Variants in RAPGEF2 observed in about 807,000 individuals in gnomAD.
RAPGEF2 encodes PDZ domain containing guanine nucleotide exchange factor (GEF) 1.
RAPGEF2 carries 54 observed loss-of-function variants against 186.7 expected under a neutral mutation model. That is an observed-to-expected ratio of 0.29 (90% CI 0.23 to 0.36). RAPGEF2 has a LOEUF of 0.36. RAPGEF2 is among the 10% of genes least tolerant of loss of function. The pLI, the probability that RAPGEF2 is intolerant of heterozygous loss-of-function variation, is 1.00. For missense variants in RAPGEF2, 1,532 were observed against 2,045.0 expected (o/e 0.75, Z 4.84); for synonymous variants, 712 against 705.9 (o/e 1.01, Z -0.14).
chr4:159,137,044 T>TG (rs943136234), intron 1 of RAPGEF2, among the ~76,000 whole-genome samples: 9 of 151,798 alleles, frequency 5.9e-5, no homozygotes, highest in African/African-American at 1.5e-4. Flanking sequence ...ACAGAAAAGG[T>TG]GGGGGGGTTG....
intron 11 of RAPGEF2, chr4:159,326,594 C>T (rs551066961): frequency 6.6e-6 from 1 of 152,314 alleles, no homozygotes; most frequent in South Asian, 2.1e-4. Flanking sequence ...TTGTTTTGCT[C>T]TGGGTCCCTT....
intron 1 of RAPGEF2, among the ~76,000 whole-genome samples, chr4:159,180,969 T>C (rs911367237): frequency 2.6e-5 from 4 of 152,336 alleles, no homozygotes; most frequent in East Asian, 1.9e-4. Context: ...TTGTATGTTA[T>C]AATTAAGATA....
At chr4:159,202,399 C>G (rs1749530546) in intron 3 of RAPGEF2, among the ~76,000 whole-genome samples, 1 of 152,144 alleles carries the variant, frequency 6.6e-6, no homozygotes, top group Non-Finnish European at 1.5e-5. Context: ...GGGCACCATT[C>G]TTTCTGTTTC....
chr4:159,263,792 A>G (rs1345632824), intron 7 of RAPGEF2, among the ~76,000 whole-genome samples: 1 of 152,140 alleles, frequency 6.6e-6, no homozygotes, highest in African/African-American at 2.4e-5. Context: ...TCTCAATTTC[A>G]TAGTAATTAG....
At chr4:159,306,474 G>T (rs908514223) in intron 8 of RAPGEF2, among the ~76,000 whole-genome samples, 3 of 152,100 alleles carry the variant, frequency 2.0e-5, no homozygotes, top group Non-Finnish European at 4.4e-5. Context: ...TGTGCATATT[G>T]ATTTTGCATT....
In RAPGEF2 at chr4:159,158,903, C is replaced by T. The variant is rs531922253; in HGVS notation, c.70-27739C>T. Among the ~76,000 whole-genome samples, 12 of 152,244 alleles carry T rather than the reference C, an allele frequency of 7.9e-5. No individual in the cohort carries two copies. In the East Asian group the frequency reaches 1.9e-3, roughly 24 times the overall value. On this transcript the variant is annotated intron_variant, in intron 1 of 29. Coordinates refer to ENST00000691494, the MANE Select transcript of RAPGEF2 (RefSeq NM_001394067.2). Reference sequence around the variant, plus strand: ...GGTTTTTTGGAGACTGGCTAATCCCCCTTTTCTTTAAAATTGAAACAATAG... The same window carrying T: ...GGTTTTTTGGAGACTGGCTAATCCCTCTTTTCTTTAAAATTGAAACAATAG...
Position 159,330,417 on chromosome 4 carries a change from C to G in RAPGEF2, c.1386C>G (p.Thr462=). The G allele has an allele frequency of 6.2e-7, 1 of 1,606,876 alleles. No individual in the cohort carries two copies. Among genetic ancestry groups the G allele is most frequent in the Non-Finnish European group, 8.5e-7 (1 of 1,177,864 alleles). ...DPTFIEDFLL[T]YRTFLSSPME... is the part of the protein sequence containing the mutation. ...CATTCATAGAAGACTTTCTGTTGAC[C>G]TATAGGACTTTTCTTTCTAGCCCAA... The change falls in exon 13 of 30, where the codon ACC becomes ACG. Residue 462 remains threonine, a synonymous_variant. Transcript: ENST00000691494.
At chr4:159,279,375 A>T (rs1362504719) in intron 7 of RAPGEF2, among the ~76,000 whole-genome samples, 1 of 152,176 alleles carries the variant, frequency 6.6e-6, no homozygotes, top group Non-Finnish European at 1.5e-5. Flanking sequence ...AGGATGGACA[A>T]TTCCTTTTGT....
At chr4:159,175,698 G>T (rs1193473741) in intron 1 of RAPGEF2, among the ~76,000 whole-genome samples, 4 of 152,202 alleles carry the variant, frequency 2.6e-5, no homozygotes, top group African/African-American at 7.2e-5. Context: ...AGGAAGGACG[G>T]TTGGTCCAGT....
rs1162464961 is a variant in RAPGEF2 at position 159,341,835 on chromosome 4, A to G, written c.2806A>G (p.Ile936Val). 1.9e-6 allele frequency: 3 copies of G among 1,612,978 alleles called. No individual in the cohort carries two copies. Among genetic ancestry groups the G allele is most frequent in the Non-Finnish European group, 2.5e-6 (3 of 1,179,726 alleles). ...NQETFWVASE[I>V]LRETNQLKRM... ...GGAAACATTTTGGGTAGCATCTGAAATTCTCAGAGAAACAAACCAGCTGAA... is the reference window on the plus strand; with the variant it reads ...GGAAACATTTTGGGTAGCATCTGAAGTTCTCAGAGAAACAAACCAGCTGAA... The change falls in exon 20 of 30, where the codon ATT (isoleucine) becomes GTT (valine). Residue 936 changes from isoleucine to valine, a missense_variant. Around this residue, in one of 4 missense-constraint regions of RAPGEF2, gnomAD observed 810 missense variants for 1,210.5 expected, o/e 0.67. Coordinates refer to ENST00000691494, the MANE Select transcript of RAPGEF2 (RefSeq NM_001394067.2).
intron 1 of RAPGEF2, among the ~76,000 whole-genome samples, chr4:159,185,128 C>T (rs528878848): frequency 9.9e-5 from 15 of 152,260 alleles, no homozygotes; most frequent in African/African-American, 3.1e-4. Flanking sequence ...TACTATTACA[C>T]ACTTAGTAAG....
intron 9 of RAPGEF2, among the ~76,000 whole-genome samples, chr4:159,317,780 T>A (rs533094157): frequency 3.3e-5 from 5 of 152,300 alleles, no homozygotes; most frequent in African/African-American, 9.6e-5. Context: ...ACCATTTCAA[T>A]TCAGAATCTT....
chr4:159,296,454 CA>C (rs1195394506), intron 7 of RAPGEF2, among the ~76,000 whole-genome samples: 3 of 152,156 alleles, frequency 2.0e-5, no homozygotes, highest in African/African-American at 7.2e-5. Flanking sequence ...TGAGAATTTT[CA>C]GGTCAATTAG....
At position 159,103,848 on chromosome 4, in the gene RAPGEF2, A is replaced by T. The variant is rs1202331223; in HGVS notation, c.-315A>T. On this transcript the variant is annotated 5_prime_UTR_variant, in exon 1 of 30. Coordinates refer to ENST00000691494, the MANE Select transcript of RAPGEF2 (RefSeq NM_001394067.2). ...AGGCGTGTCGAGCCAGGGCCGGAGG[A>T]AGCCGGCGGAGCGGCGAGGAAGAGG... is the stretch of plus-strand genomic sequence containing the variant. 2.0e-5 allele frequency: 3 copies of T among 153,802 alleles called. No homozygotes were observed. The highest frequency in any genetic ancestry group is 4.3e-5 in the Non-Finnish European group (3 of 69,926). 9.5% of individuals were successfully genotyped at this position (153,802 alleles called of 1,614,324 possible). A position where few individuals can be genotyped will look rare whatever the true frequency, so the allele number is the denominator to read the frequency against.
chr4:159,296,245 A>G (rs1221626392), intron 7 of RAPGEF2, among the ~76,000 whole-genome samples: 1 of 152,256 alleles, frequency 6.6e-6, no homozygotes, highest in African/African-American at 2.4e-5. Context: ...TAAACAAATT[A>G]GAAGGAATGT....
In RAPGEF2 at chr4:159,296,072, A is replaced by C. The variant is rs573832126; in HGVS notation, c.544-8270A>C. Among the ~76,000 whole-genome samples, 8 of 152,336 alleles carry C rather than the reference A, an allele frequency of 5.3e-5. No individual in the cohort carries two copies. In the South Asian group the frequency reaches 1.0e-3, roughly 20 times the overall value. ...TTTAATAACGAGGCCTGAATATGTG[A>C]TCTCAGAATTGCAATTACTGGATAT... On this transcript the variant is annotated intron_variant, in intron 7 of 29. Coordinates refer to ENST00000691494, the MANE Select transcript of RAPGEF2 (RefSeq NM_001394067.2).
intron 7 of RAPGEF2, among the ~76,000 whole-genome samples, chr4:159,299,217 G>A (rs1327936444): frequency 6.6e-6 from 1 of 152,076 alleles, no homozygotes; most frequent in South Asian, 2.1e-4. Context: ...AGATGCCTGG[G>A]AAAATTGACT....
chr4:159,246,746 C>G (rs190192993), intron 7 of RAPGEF2, among the ~76,000 whole-genome samples: 1 of 152,242 alleles, frequency 6.6e-6, no homozygotes, highest in African/African-American at 2.4e-5. Context: ...TTACTCATAT[C>G]ATGTCTTTGC....
chr4:159,209,380 G>A (rs967853007), intron 3 of RAPGEF2, among the ~76,000 whole-genome samples: 1 of 152,138 alleles, frequency 6.6e-6, no homozygotes, highest in East Asian at 1.9e-4. Flanking sequence ...ACATCCAAAA[G>A]CACTAAAGTC....
Sources: gnomAD v4.1 joint callset for allele counts (sites outside exome capture counted in the v4.1 genomes callset) on GRCh38, gnomAD v4.1.1 for gene constraint, gnomAD v4.1.1 regional missense constraint, MANE v1.5 for transcripts, NCBI Gene and HGNC (gene_info 2026-07-23, HGNC 2026-07-21) for gene names.